The following GPR180 variants were observed in gnomAD, a reference collection of about 807,000 sequenced individuals.
GPR180 encodes the protein integral membrane protein GPR180.
GPR180 carries 53 observed loss-of-function variants against 52.6 expected under a neutral mutation model. The observed-to-expected ratio is 1.01, with a 90% CI of 0.81 to 1.27. The LOEUF is 1.27. GPR180 is among the 50% of genes most tolerant of loss of function. GPR180 has a pLI of 0.00. For missense variants in GPR180, 533 were observed against 527.0 expected, an observed-to-expected ratio of 1.01 and a Z score of -0.11; for synonymous variants, 200 against 193.1, an observed-to-expected ratio of 1.04 and a Z score of -0.30.
At chr13:94,624,247 C>G (rs989703494) in intron 7 of GPR180, among the ~76,000 whole-genome samples, 3 of 145,566 alleles carry the variant, frequency 2.1e-5, no homozygotes, top group African/African-American at 5.4e-5. Flanking sequence ...GAATCCATAC[C>G]CCTTCATTTT....
At chr13:94,612,123 A>G in intron 2 of GPR180, 67 bp from the exon 3 acceptor site, 2 of 1,224,766 alleles carry the variant, frequency 1.6e-6, no homozygotes, top group Non-Finnish European at 2.4e-6. Flanking sequence ...CAAATTGATT[A>G]TATGACTAAA....
chr13:94,619,451 C>A lies in GPR180; in HGVS notation c.687-17C>A. The A allele has an allele frequency of 6.2e-7, 1 of 1,610,508 alleles. No individual in the cohort carries two copies. Among genetic ancestry groups the A allele is most frequent in the African/African-American group, 1.3e-5 (1 of 74,946 alleles). On this transcript the variant is annotated splice_polypyrimidine_tract_variant and intron_variant, in intron 4 of 8. Coordinates refer to ENST00000376958, the MANE Select transcript of GPR180 (RefSeq NM_180989.6). ...TTTCACATTTGTAATTTACACTACTCTTCTTCAATTCCTCAGTTACTCCAA... is the reference window on the plus strand; with the variant it reads ...TTTCACATTTGTAATTTACACTACTATTCTTCAATTCCTCAGTTACTCCAA...
chr13:94,607,446 C>G (rs1889648585), intron 2 of GPR180, among the ~76,000 whole-genome samples: 1 of 151,896 alleles, frequency 6.6e-6, no homozygotes, highest in Non-Finnish European at 1.5e-5. Flanking sequence ...AGGGCATTGC[C>G]CCACTCACTG....
intron 1 of GPR180, among the ~76,000 whole-genome samples, chr13:94,602,588 C>T (rs1889574383): frequency 6.7e-6 from 1 of 149,308 alleles, no homozygotes; most frequent in Admixed American, 6.8e-5. Context: ...TTATATTGAG[C>T]AGTTTGGTTA....
At chr13:94,617,376 A>G (rs1038220194) in intron 3 of GPR180, among the ~76,000 whole-genome samples, 1 of 152,164 alleles carries the variant, frequency 6.6e-6, no homozygotes, top group Non-Finnish European at 1.5e-5. Flanking sequence ...TATATTTAGC[A>G]TTTTTATTTT....
intron 1 of GPR180, among the ~76,000 whole-genome samples, chr13:94,602,344 A>C (rs897672296): frequency 2.0e-5 from 3 of 151,170 alleles, no homozygotes; most frequent in South Asian, 2.1e-4. Context: ...CATTTCCCCA[A>C]CCCTCCCCTT....
intron 7 of GPR180, among the ~76,000 whole-genome samples, chr13:94,624,833 CA>C (rs1414294348): frequency 6.6e-6 from 1 of 151,992 alleles, no homozygotes; most frequent in African/African-American, 2.4e-5. Flanking sequence ...TGAGCCACCG[CA>C]CCCAGCCTTT....
At chr13:94,625,180 T>C (rs2138570153) in intron 7 of GPR180, among the ~76,000 whole-genome samples, 1 of 152,360 alleles carries the variant, frequency 6.6e-6, no homozygotes, top group East Asian at 1.9e-4. Context: ...TTTAACTTTC[T>C]AAATAGGATC....
chr13:94,605,301 C>A, intron 1 of GPR180, 90 bp from the exon 2 acceptor site: 1 of 1,164,540 alleles, frequency 8.6e-7, no homozygotes, highest in Non-Finnish European at 1.3e-6. Flanking sequence ...TTTTAAATTT[C>A]CATTTTGGTA....
chr13:94,608,059 T>C lies in GPR180; in HGVS notation c.304+2510T>C, dbSNP rs112572564. On this transcript the variant is annotated intron_variant, in intron 2 of 8. Coordinates refer to ENST00000376958, the MANE Select transcript of GPR180 (RefSeq NM_180989.6). Reference sequence around the variant, plus strand: ...TTGTTCTCTTGTATCACATAGTCAGTATTTATATACTTTATACACTTAAAA... The same window carrying C: ...TTGTTCTCTTGTATCACATAGTCAGCATTTATATACTTTATACACTTAAAA... Among the ~76,000 whole-genome samples, 490 of 152,344 alleles carry C rather than the reference T, an allele frequency of 3.2e-3. 2 individuals carry two copies. The highest frequency in any genetic ancestry group is 0.011 in the African/African-American group (438 of 41,580).
At chr13:94,620,173 A>G (rs1296639567) in intron 5 of GPR180, among the ~76,000 whole-genome samples, 2 of 152,186 alleles carry the variant, frequency 1.3e-5, no homozygotes, top group African/African-American at 4.8e-5. Flanking sequence ...AGTGGTAGAG[A>G]CTAGACTCAG....
chr13:94,602,219 A>G, intron 1 of GPR180, 147 bp downstream of exon 1: 1 of 757,624 alleles, frequency 1.3e-6, no homozygotes, highest in South Asian at 4.7e-5. Context: ...GCGTTGCAGC[A>G]GCTGCCGCGA....
intron 1 of GPR180, among the ~76,000 whole-genome samples, chr13:94,603,729 A>G (rs1230139244): frequency 6.6e-6 from 1 of 152,146 alleles, no homozygotes; most frequent in African/African-American, 2.4e-5. Context: ...TGGTAATTAT[A>G]GTAATAAAAG....
chr13:94,621,291 G>A lies in GPR180; in HGVS notation c.894+56G>A, dbSNP rs1033089374. On this transcript the variant is annotated intron_variant, in intron 6 of 8. Transcript: ENST00000376958. ...GTAATCCTCAGAAATGCAAACTTGA[G>A]CATACCTCATTTCAGAATTGAAACC... 23 of 1,336,686 alleles carry A rather than the reference G, an allele frequency of 1.7e-5. No homozygotes were observed. In the African/African-American group the frequency reaches 2.9e-4, roughly 17 times the overall value. The allele number at this position is 1,336,686 out of a possible 1,614,324, so 82.8% of individuals were successfully genotyped here. A position where few individuals can be genotyped will look rare whatever the true frequency, so the allele number is the denominator to read the frequency against.
chr13:94,604,247 T>C (rs929487607), intron 1 of GPR180, among the ~76,000 whole-genome samples: 13 of 151,902 alleles, frequency 8.6e-5, no homozygotes, highest in Admixed American at 3.3e-4. Flanking sequence ...GGCAGGAGAA[T>C]CGCTTGAACC....
At chr13:94,620,947 C>T (rs944010586) in intron 5 of GPR180, 131 bp from the exon 6 acceptor site, 10 of 721,054 alleles carry the variant, frequency 1.4e-5, no homozygotes, top group Middle Eastern at 4.0e-4. Flanking sequence ...TAATGAATTT[C>T]GTTAGCTTCT....
intron 3 of GPR180, among the ~76,000 whole-genome samples, chr13:94,615,023 C>T (rs935241484): frequency 4.1e-4 from 63 of 152,230 alleles, no homozygotes; most frequent in African/African-American, 1.4e-3. Flanking sequence ...GTTCTTAACC[C>T]ATCACTGTAT....
At chr13:94,623,360 G>A (rs1176416886) in intron 7 of GPR180, 60 bp downstream of exon 7, 2 of 1,363,232 alleles carry the variant, frequency 1.5e-6, no homozygotes, top group Non-Finnish European at 2.0e-6. Flanking sequence ...GGTTTCTTTG[G>A]GAAGTTAATA....
At position 94,627,862 on chromosome 13, in the gene GPR180, A is replaced by G. The variant is rs1290751109; in HGVS notation, c.*691A>G. On this transcript the variant is annotated 3_prime_UTR_variant, in exon 9 of 9. Transcript: ENST00000376958. ...ATACATTACACGGGTTGTAAGGACA[A>G]AGGATTTTAAAATCTGAGCACTTAG... is the stretch of plus-strand genomic sequence containing the variant. 1 of 152,552 alleles carries G rather than the reference A, an allele frequency of 6.6e-6. No homozygotes were observed. Among genetic ancestry groups the G allele is most frequent in the African/African-American group, 2.4e-5 (1 of 41,444 alleles). 9.4% of individuals were successfully genotyped at this position (152,552 alleles called of 1,614,324 possible).
Sources: gnomAD v4.1 joint callset for allele counts (sites outside exome capture counted in the v4.1 genomes callset) on GRCh38, gnomAD v4.1.1 for gene constraint, MANE v1.5 for transcripts, NCBI Gene and HGNC (gene_info 2026-07-23, HGNC 2026-07-21) for gene names.